TLL1: variants seen among roughly 807,000 people sequenced by gnomAD.
The protein encoded by TLL1 is tolloid-like protein 1.
Under a neutral mutation model 128.2 loss-of-function variants are expected in TLL1, and 49 were observed. The observed-to-expected ratio is 0.38, with a 90% CI of 0.30 to 0.48. The LOEUF (loss-of-function observed/expected upper bound fraction) is 0.48, where lower values mean the gene tolerates loss of function less well. Ranked by LOEUF, TLL1 falls within the 20% of genes least tolerant of loss-of-function variation. The pLI is 0.96. For missense variants in TLL1, 1,123 were observed against 1,242.0 expected (o/e 0.90, Z 1.44); for synonymous variants, 454 against 418.8 (o/e 1.08, Z -1.03).
chr4:165,879,393 G>A (rs1309724738), intron 1 of TLL1, among the ~76,000 whole-genome samples: 2 of 152,098 alleles, frequency 1.3e-5, no homozygotes. Context: ...CTTGCCAATA[G>A]TTAAAACAAT....
rs1742269718 is a variant in TLL1, at chr4:166,101,181, A to T, written c.*305A>T. 1 of 346,076 alleles carries T rather than the reference A, an allele frequency of 2.9e-6. No homozygotes were observed. The highest frequency in any genetic ancestry group is 2.1e-5 in the African/African-American group (1 of 47,042). The allele number at this position is 346,076 out of a possible 1,614,324, so 21.4% of individuals were successfully genotyped here. On this transcript the variant is annotated 3_prime_UTR_variant, in exon 21 of 21. Coordinates refer to ENST00000061240, the MANE Select transcript of TLL1 (RefSeq NM_012464.5). ...GAAATAGATGCCTCACAATTCAGAC[A>T]GTTTAATTCAGGAACTGTGACCCTG...
intron 1 of TLL1, among the ~76,000 whole-genome samples, chr4:165,969,113 A>G (rs900867079): frequency 3.3e-5 from 5 of 152,100 alleles, no homozygotes; most frequent in African/African-American, 1.2e-4. Flanking sequence ...TGTTTGAGTT[A>G]TTTCCAACAT....
chr4:165,893,944 G>C (rs971657006), intron 1 of TLL1, among the ~76,000 whole-genome samples: 30 of 152,078 alleles, frequency 2.0e-4, no homozygotes, highest in Non-Finnish European at 3.5e-4. Context: ...CCAACAAATT[G>C]AAATTCAATC....
chr4:166,014,608 C>T (rs763345288), intron 8 of TLL1, 48 bp downstream of exon 8: 60 of 1,606,258 alleles, frequency 3.7e-5, no homozygotes, highest in Non-Finnish European at 4.7e-5. Flanking sequence ...TGATTGTGCT[C>T]TTCCAGATGA....
At chr4:166,092,061 G>T (rs1378112301) in intron 19 of TLL1, among the ~76,000 whole-genome samples, 2 of 151,522 alleles carry the variant, frequency 1.3e-5, no homozygotes, top group Admixed American at 6.6e-5. Context: ...TCAGTTAAAT[G>T]TATATTAGCT....
intron 1 of TLL1, among the ~76,000 whole-genome samples, chr4:165,949,382 G>T (rs1734402426): frequency 6.6e-6 from 1 of 152,204 alleles, no homozygotes. Flanking sequence ...GCCTTATGAA[G>T]CTCTAAACAG....
At chr4:166,027,710 A>G (rs150704388) in intron 9 of TLL1, among the ~76,000 whole-genome samples, 16 of 152,292 alleles carry the variant, frequency 1.1e-4, no homozygotes, top group African/African-American at 3.4e-4. Flanking sequence ...AAATTTTGAG[A>G]ACAAGTTTAA....
intron 1 of TLL1, among the ~76,000 whole-genome samples, chr4:165,945,639 T>A (rs753148915): frequency 6.6e-5 from 10 of 152,102 alleles, no homozygotes; most frequent in Non-Finnish European, 1.3e-4. Context: ...AAAAAGATTA[T>A]ATAAAGAACT....
At chr4:165,912,110 C>T (rs1315480795) in intron 1 of TLL1, among the ~76,000 whole-genome samples, 1 of 152,190 alleles carries the variant, frequency 6.6e-6, no homozygotes, top group Non-Finnish European at 1.5e-5. Flanking sequence ...CTCCTGACCT[C>T]ATGATCTGTC....
At chr4:165,964,234 T>C (rs1171864820) in intron 1 of TLL1, among the ~76,000 whole-genome samples, 5 of 152,224 alleles carry the variant, frequency 3.3e-5, no homozygotes, top group Non-Finnish European at 5.9e-5. Context: ...AATATCTTCA[T>C]CAGTTTTTCA....
chr4:165,976,571 A>T (rs1455690390), intron 1 of TLL1, among the ~76,000 whole-genome samples: 1 of 152,206 alleles, frequency 6.6e-6, no homozygotes, highest in Non-Finnish European at 1.5e-5. Context: ...ATTTATATAG[A>T]AAATCATATT....
chr4:165,921,306 C>CT (rs1488328964), intron 1 of TLL1, among the ~76,000 whole-genome samples: 1 of 152,072 alleles, frequency 6.6e-6, no homozygotes, highest in African/African-American at 2.4e-5. Context: ...AGATGGTTGT[C>CT]TTTTTTATAC....
intron 1 of TLL1, among the ~76,000 whole-genome samples, chr4:165,914,999 C>G (rs937362486): frequency 7.9e-5 from 12 of 152,188 alleles, no homozygotes; most frequent in African/African-American, 2.9e-4. Context: ...GCTCATGGTT[C>G]AAACTCTTCC....
At chr4:166,084,022 C>T (rs561469503) in intron 18 of TLL1, among the ~76,000 whole-genome samples, 1 of 152,210 alleles carries the variant, frequency 6.6e-6, no homozygotes, top group East Asian at 1.9e-4. Context: ...CAAGGATTCC[C>T]TTTTCTCCAC....
chr4:166,066,353 G>A (rs1408577617), intron 16 of TLL1, among the ~76,000 whole-genome samples: 1 of 151,540 alleles, frequency 6.6e-6, no homozygotes, highest in Non-Finnish European at 1.5e-5. Context: ...TTAACATTTA[G>A]TTTAAGCAGC....
At chr4:165,950,463 C>A (rs1734459886) in intron 1 of TLL1, among the ~76,000 whole-genome samples, 1 of 152,000 alleles carries the variant, frequency 6.6e-6, no homozygotes, top group African/African-American at 2.4e-5. Context: ...CCAACAACAG[C>A]AGAATAGAGA....
chr4:165,915,664 G>A (rs1413735516), intron 1 of TLL1, among the ~76,000 whole-genome samples: 1 of 152,128 alleles, frequency 6.6e-6, no homozygotes, highest in Non-Finnish European at 1.5e-5. Flanking sequence ...CATTTCCCTG[G>A]AGGGGCTTTG....
chr4:165,909,005 T>G (rs1333921146), intron 1 of TLL1, among the ~76,000 whole-genome samples: 1 of 152,130 alleles, frequency 6.6e-6, no homozygotes, highest in Non-Finnish European at 1.5e-5. Flanking sequence ...GAGACCAACC[T>G]GGCCAACATG....
At chr4:166,008,570 A>G (rs879341531) in intron 7 of TLL1, among the ~76,000 whole-genome samples, 16 of 151,674 alleles carry the variant, frequency 1.1e-4, no homozygotes, top group East Asian at 1.9e-4. Flanking sequence ...AAGATATTTT[A>G]CCTCATATAA....
Sources: allele counts gnomAD v4.1 joint callset (sites outside exome capture counted in the v4.1 genomes callset), GRCh38; gene constraint gnomAD v4.1.1; transcripts MANE v1.5; gene names NCBI Gene and HGNC (gene_info 2026-07-23, HGNC 2026-07-21).